SIPA1L3: variants seen among roughly 807,000 people sequenced by gnomAD.
SIPA1L3 encodes the protein signal-induced proliferation-associated 1-like protein 3.
Under a neutral mutation model 150.1 loss-of-function variants are expected in SIPA1L3, and 59 were observed. That is an observed-to-expected ratio of 0.39 (90% CI 0.32 to 0.49). The LOEUF is 0.49. Ranked by LOEUF, SIPA1L3 falls within the 20% of genes least tolerant of loss-of-function variation. SIPA1L3 has a pLI of 0.86. For missense variants in SIPA1L3, 2,211 were observed against 2,489.5 expected (o/e 0.89, Z 2.38); for synonymous variants, 1,070 against 1,077.6 (o/e 0.99, Z 0.14).
chr19:38,127,320 A>G (rs1325882998), intron 9 of SIPA1L3, among the ~76,000 whole-genome samples: 1 of 152,162 alleles, frequency 6.6e-6, no homozygotes. Context: ...TTATCATTTC[A>G]TCTGTAAATT....
At chr19:38,078,209 G>A (rs1356352992) in intron 2 of SIPA1L3, among the ~76,000 whole-genome samples, 2 of 151,970 alleles carry the variant, frequency 1.3e-5, no homozygotes, top group Non-Finnish European at 2.9e-5. Flanking sequence ...GCTGCCTCCC[G>A]GCAACATCTT....
At chr19:38,163,361 G>A (rs1600155804) in intron 14 of SIPA1L3, among the ~76,000 whole-genome samples, 1 of 152,004 alleles carries the variant, frequency 6.6e-6, no homozygotes, top group African/African-American at 2.4e-5. Flanking sequence ...GTGGTGGCAG[G>A]AACCTATAAT....
In SIPA1L3 at chr19:37,985,428, T is replaced by C. The variant is rs1390434897; in HGVS notation, c.-378-43661T>C. 6.6e-5 allele frequency among the ~76,000 whole-genome samples: 10 copies of C among 152,072 alleles called. No homozygotes were observed. The East Asian group carries it at 1.9e-3, about 29-fold the overall frequency. ...CTCTAGTTCCAGCTACCGGGGAGGCTGAGACAGGAGGATCACTTGAAGCCA... is the reference window on the plus strand; with the variant it reads ...CTCTAGTTCCAGCTACCGGGGAGGCCGAGACAGGAGGATCACTTGAAGCCA... On this transcript the variant is annotated intron_variant, in intron 1 of 21. Transcript: ENST00000222345.
intron 1 of SIPA1L3, among the ~76,000 whole-genome samples, chr19:37,943,174 C>T (rs1378352905): frequency 6.6e-6 from 1 of 151,962 alleles, no homozygotes; most frequent in Non-Finnish European, 1.5e-5. Context: ...TCTGCCTGGC[C>T]AAGAGCTGAG....
In SIPA1L3 at chr19:38,152,999, G is replaced by T. The variant is rs372338732; in HGVS notation, c.3661+32G>T. On this transcript the variant is annotated intron_variant, in intron 13 of 21. Transcript: ENST00000222345. ...CCCCCACCAGCTGCTGCGCCCACCC[G>T]CCTGCCTCACTCCGCAGGACCTCTT... 4 of 1,603,778 alleles carry T rather than the reference G, an allele frequency of 2.5e-6. No individual in the cohort carries two copies. The African/African-American group carries it at 4.0e-5, about 16-fold the overall frequency.
chr19:38,093,185 G>A (rs1293625415), intron 4 of SIPA1L3, among the ~76,000 whole-genome samples: 1 of 152,074 alleles, frequency 6.6e-6, no homozygotes, highest in Non-Finnish European at 1.5e-5. Flanking sequence ...TAACAGGAAG[G>A]TCAAGGGAGG....
At chr19:37,941,886 GGCCAGGGGCGA>G (rs1215109346) in intron 1 of SIPA1L3, among the ~76,000 whole-genome samples, 1 of 152,184 alleles carries the variant, frequency 6.6e-6, no homozygotes, top group African/African-American at 2.4e-5. Context: ...CTGGTAACCT[GGCCAGGGGCGA>G]GCCCTGACCC....
chr19:37,933,901 C>G (rs1171817342), intron 1 of SIPA1L3, among the ~76,000 whole-genome samples: 1 of 152,126 alleles, frequency 6.6e-6, no homozygotes, highest in African/African-American at 2.4e-5. Context: ...GTGGAAGATA[C>G]CACCCATATA....
In SIPA1L3 at chr19:38,081,571, C is replaced by T. The variant is rs969695196; in HGVS notation, c.6C>T (p.Thr2=). 17 of 1,580,426 alleles carry T rather than the reference C, an allele frequency of 1.1e-5. No individual in the cohort carries two copies. In the African/African-American group the frequency reaches 1.6e-4, roughly 15 times the overall value. Residue 2 remains threonine, a synonymous_variant, in exon 3 of 22, where the codon ACC becomes ACT. Transcript: ENST00000222345. M[T]TYRAIPSDGV... Reference sequence around the variant, plus strand: ...CACTCCAGTGCCCGTGGACTATGACCACCTATCGGGCCATCCCCAGCGATG... The same window carrying T: ...CACTCCAGTGCCCGTGGACTATGACTACCTATCGGGCCATCCCCAGCGATG...
chr19:37,982,711 C>G (rs2145617717), intron 1 of SIPA1L3, among the ~76,000 whole-genome samples: 1 of 152,270 alleles, frequency 6.6e-6, no homozygotes, highest in African/African-American at 2.4e-5. Context: ...TTTGGAAGAC[C>G]CTGGCCTCCA....
intron 7 of SIPA1L3, chr19:38,109,510 G>A (rs962516516): frequency 3.3e-5 from 5 of 152,242 alleles, no homozygotes; most frequent in Admixed American, 3.3e-4. Flanking sequence ...GCACTCGGAA[G>A]CCACAGCCAT....
intron 1 of SIPA1L3, among the ~76,000 whole-genome samples, chr19:38,027,291 A>G (rs1253596581): frequency 1.3e-5 from 2 of 152,148 alleles, no homozygotes; most frequent in Non-Finnish European, 2.9e-5. Flanking sequence ...CCATCTCAAA[A>G]AAAAAGAAAT....
intron 12 of SIPA1L3, among the ~76,000 whole-genome samples, chr19:38,147,298 C>T (rs939258083): frequency 3.9e-5 from 6 of 152,108 alleles, no homozygotes; most frequent in Non-Finnish European, 8.8e-5. Flanking sequence ...TGGGCTAAAT[C>T]AAGTGACTCT....
chr19:37,911,089 A>G (rs2046373643), intron 1 of SIPA1L3, among the ~76,000 whole-genome samples: 1 of 152,206 alleles, frequency 6.6e-6, no homozygotes, highest in Non-Finnish European at 1.5e-5. Flanking sequence ...GTCGCCAGAG[A>G]TAACCATTTA....
chr19:38,162,213 G>C, intron 13 of SIPA1L3, 40 bp from the exon 14 acceptor site: 2 of 1,541,400 alleles, frequency 1.3e-6, no homozygotes, highest in Non-Finnish European at 1.8e-6. Context: ...CCTGGCCTGA[G>C]TCACTCCTAA....
intron 13 of SIPA1L3, among the ~76,000 whole-genome samples, chr19:38,154,762 C>CTT (rs1971906466): frequency 1.5e-4 from 18 of 118,914 alleles, no homozygotes; most frequent in African/African-American, 6.1e-4. Flanking sequence ...TTTTATTATT[C>CTT]ATTTTTTTTT....
intron 2 of SIPA1L3, among the ~76,000 whole-genome samples, chr19:38,033,239 T>A (rs559058155): frequency 7.9e-5 from 12 of 152,266 alleles, no homozygotes; most frequent in Non-Finnish European, 1.5e-4. Context: ...GCCAGTCCAT[T>A]GAACCCAAAT....
At chr19:37,936,857 A>G (rs1599814017) in intron 1 of SIPA1L3, among the ~76,000 whole-genome samples, 1 of 152,162 alleles carries the variant, frequency 6.6e-6, no homozygotes, top group Non-Finnish European at 1.5e-5. Flanking sequence ...TGAAACAAAA[A>G]CCACTTACTA....
At position 38,082,808 on chromosome 19, in the gene SIPA1L3, C is replaced by A. The variant is rs755754262; in HGVS notation, c.1243C>A (p.Leu415Ile). 6 of 1,613,640 alleles carry A rather than the reference C, an allele frequency of 3.7e-6. No individual in the cohort carries two copies. The highest frequency in any genetic ancestry group is 2.2e-5 in the East Asian group (1 of 44,868). ...CTGCAAGGAGAACTTGGAGCAGGAC[C>A]TCGGCGATGACAACAGCAACGACCT... Reference protein sequence around the residue: ...LNCKENLEQDLGDDNSNDLLL... With the variant: ...LNCKENLEQDIGDDNSNDLLL... The change falls in exon 3 of 22, where the codon CTC (leucine) becomes ATC (isoleucine). Residue 415 changes from leucine to isoleucine, a missense_variant. This residue lies in a region of SIPA1L3 where 587 missense variants were observed against 534.5 expected (regional missense o/e 1.10). Coordinates refer to ENST00000222345, the MANE Select transcript of SIPA1L3 (RefSeq NM_015073.3).
Sources: allele counts gnomAD v4.1 joint callset (sites outside exome capture counted in the v4.1 genomes callset), GRCh38; gene constraint gnomAD v4.1.1; regional missense constraint gnomAD v4.1.1; transcripts MANE v1.5; gene names NCBI Gene and HGNC (gene_info 2026-07-23, HGNC 2026-07-21).